KCNB2: variants seen among roughly 807,000 people sequenced by gnomAD.
KCNB2 encodes the protein delayed rectifier potassium channel protein.
Under a neutral mutation model 61.5 loss-of-function variants are expected in KCNB2, and 15 were observed. That is an observed-to-expected ratio of 0.24 (90% CI 0.16 to 0.38). The LOEUF (loss-of-function observed/expected upper bound fraction) is 0.38, where lower values mean the gene tolerates loss of function less well. Ranked by LOEUF, KCNB2 falls within the 10% of genes least tolerant of loss-of-function variation. The probability of loss-of-function intolerance (pLI) is 1.00; values close to 1 mark genes in which losing one functional copy is unlikely to be tolerated. For synonymous variants in KCNB2, 457 were observed against 446.0 expected (o/e 1.02, Z -0.31); for missense variants, 828 against 1,125.2 (o/e 0.74, Z 3.78).
rs117071349 is a variant in KCNB2, at chr8:72,597,860, A to G, written c.579+29547A>G. 6.6e-5 allele frequency among the ~76,000 whole-genome samples: 10 copies of G among 152,340 alleles called. No homozygotes were observed. In the East Asian group the frequency reaches 1.9e-3, roughly 29 times the overall value. On this transcript the variant is annotated intron_variant, in intron 2 of 2. Transcript: ENST00000523207. ...CTAATGAGGTTGCAGAGAAAAAGGAATGCTTGTATACTGATGGTAGGAGTG... is the reference window on the plus strand; with the variant it reads ...CTAATGAGGTTGCAGAGAAAAAGGAGTGCTTGTATACTGATGGTAGGAGTG...
chr8:72,704,838 T>G (rs1435576627), intron 2 of KCNB2, among the ~76,000 whole-genome samples: 1 of 152,208 alleles, frequency 6.6e-6, no homozygotes, highest in Non-Finnish European at 1.5e-5. Context: ...CAGCATAGTA[T>G]TTGCATATAA....
At chr8:72,577,094 A>G (rs983774186) in intron 2 of KCNB2, among the ~76,000 whole-genome samples, 2 of 152,160 alleles carry the variant, frequency 1.3e-5, no homozygotes, top group South Asian at 2.1e-4. Context: ...AAATGAATGT[A>G]TTTTTCCACT....
chr8:72,749,983 C>T (rs959770097), intron 2 of KCNB2, among the ~76,000 whole-genome samples: 1 of 151,548 alleles, frequency 6.6e-6, no homozygotes, highest in Non-Finnish European at 1.5e-5. Flanking sequence ...CCTCCCCACA[C>T]TCACAGAGGT....
chr8:72,911,278 C>T (rs1476637466), intron 2 of KCNB2, among the ~76,000 whole-genome samples: 1 of 152,158 alleles, frequency 6.6e-6, no homozygotes, highest in Non-Finnish European at 1.5e-5. Context: ...AGAGAACACA[C>T]AGATTTGGGA....
intron 2 of KCNB2, among the ~76,000 whole-genome samples, chr8:72,685,455 G>A (rs1806834674): frequency 6.6e-6 from 1 of 152,044 alleles, no homozygotes; most frequent in Non-Finnish European, 1.5e-5. Context: ...GTACCAACAC[G>A]GTGCCTGTAC....
At position 72,793,279 on chromosome 8, in the gene KCNB2, G is replaced by A. The variant is rs183244681; in HGVS notation, c.580-142656G>A. Among the ~76,000 whole-genome samples the A allele has an allele frequency of 2.7e-3, 418 of 152,182 alleles. 2 individuals are homozygous for A. The highest frequency in any genetic ancestry group is 9.8e-3 in the African/African-American group (405 of 41,528). On this transcript the variant is annotated intron_variant, in intron 2 of 2. Transcript: ENST00000523207. The stretch of plus-strand genomic sequence containing the variant: ...TGAACCAGAAAAAAACTAGTGCTAG[G>A]AAGAAAAAAACAAGTGTGTCACAGA...
intron 2 of KCNB2, among the ~76,000 whole-genome samples, chr8:72,793,880 T>C (rs1452891425): frequency 6.6e-6 from 1 of 152,224 alleles, no homozygotes; most frequent in African/African-American, 2.4e-5. Context: ...TAGTCATTTA[T>C]TCATCAGAGA....
intron 2 of KCNB2, among the ~76,000 whole-genome samples, chr8:72,719,894 A>C (rs1021194284): frequency 6.6e-6 from 1 of 152,220 alleles, no homozygotes; most frequent in African/African-American, 2.4e-5. Flanking sequence ...AACAGGAAAA[A>C]GAAGATGGTT....
chr8:72,916,653 C>T (rs1184431270), intron 2 of KCNB2, among the ~76,000 whole-genome samples: 2 of 152,142 alleles, frequency 1.3e-5, no homozygotes, highest in African/African-American at 4.8e-5. Context: ...ATCTGGCATC[C>T]AGGAGGAATG....
intron 2 of KCNB2, among the ~76,000 whole-genome samples, chr8:72,672,644 T>A (rs556645064): frequency 3.3e-5 from 5 of 152,160 alleles, no homozygotes; most frequent in African/African-American, 4.8e-5. Flanking sequence ...CTTTTTTTTT[T>A]AATATAACAG....
At chr8:72,689,853 AC>A (rs1806913161) in intron 2 of KCNB2, among the ~76,000 whole-genome samples, 1 of 152,124 alleles carries the variant, frequency 6.6e-6, no homozygotes, top group South Asian at 2.1e-4. Context: ...TTAAAAAAAA[AC>A]TTCTTCTGAT....
chr8:72,864,790 T>C (rs1805485995), intron 2 of KCNB2, among the ~76,000 whole-genome samples: 2 of 152,220 alleles, frequency 1.3e-5, no homozygotes, highest in Non-Finnish European at 2.9e-5. Flanking sequence ...ATCTGATGTT[T>C]CTTCAAGAGC....
chr8:72,926,940 C>T (rs34657307), intron 2 of KCNB2, among the ~76,000 whole-genome samples: 43,834 of 152,114 alleles, frequency 0.29, 7,651 homozygotes, highest in Non-Finnish European at 0.4. Flanking sequence ...CTGAATTCCT[C>T]GAATGGCTTT....
chr8:72,785,404 A>C (rs895709349), intron 2 of KCNB2, among the ~76,000 whole-genome samples: 24 of 152,310 alleles, frequency 1.6e-4, no homozygotes, highest in African/African-American at 5.5e-4. Flanking sequence ...AGGACTGTCA[A>C]GTTCATCCTT....
At chr8:72,633,264 C>G (rs1485872541) in intron 2 of KCNB2, among the ~76,000 whole-genome samples, 1 of 152,048 alleles carries the variant, frequency 6.6e-6, no homozygotes, top group African/African-American at 2.4e-5. Context: ...TCCCATTTCC[C>G]CCTCCATTTT....
At chr8:72,920,708 T>C (rs1258970510) in intron 2 of KCNB2, among the ~76,000 whole-genome samples, 1 of 151,740 alleles carries the variant, frequency 6.6e-6, no homozygotes, top group Non-Finnish European at 1.5e-5. Flanking sequence ...TAATTTAATA[T>C]ATGGCATTTT....
intron 2 of KCNB2, among the ~76,000 whole-genome samples, chr8:72,782,320 G>A (rs1266355399): frequency 6.6e-6 from 1 of 152,026 alleles, no homozygotes; most frequent in Non-Finnish European, 1.5e-5. Context: ...GCACCTGATA[G>A]CAATAACAAG....
chr8:72,867,582 T>C (rs1805548799), intron 2 of KCNB2, among the ~76,000 whole-genome samples: 1 of 152,232 alleles, frequency 6.6e-6, no homozygotes, highest in African/African-American at 2.4e-5. Flanking sequence ...GTGTGATCTA[T>C]AGACCTATGT....
At chr8:72,815,887 C>T (rs1275368163) in intron 2 of KCNB2, among the ~76,000 whole-genome samples, 1 of 151,936 alleles carries the variant, frequency 6.6e-6, no homozygotes, top group Non-Finnish European at 1.5e-5. Flanking sequence ...CTTGTGAGAA[C>T]TACATGAGGG....
Sources: allele counts gnomAD v4.1 joint callset (sites outside exome capture counted in the v4.1 genomes callset), GRCh38; gene constraint gnomAD v4.1.1; transcripts MANE v1.5; gene names NCBI Gene and HGNC (gene_info 2026-07-23, HGNC 2026-07-21).